TMEM132B: variants seen among roughly 807,000 people sequenced by gnomAD.
TMEM132B encodes transmembrane protein 132B.
In TMEM132B, 18 loss-of-function variants were observed where a neutral mutation model predicts 90.8. The observed-to-expected ratio is 0.20, with a 90% CI of 0.14 to 0.29. TMEM132B has a LOEUF of 0.29. Among genes scored for constraint, TMEM132B ranks in the 10% least tolerant of loss-of-function variants. The probability of loss-of-function intolerance (pLI) is 1.00; values close to 1 mark genes in which losing one functional copy is unlikely to be tolerated. For synonymous variants in TMEM132B, 504 were observed against 523.3 expected (o/e 0.96, Z 0.50); for missense variants, 1,096 against 1,326.8 (o/e 0.83, Z 2.70).
chr12:125,417,246 C>T (rs1008727079), intron 3 of TMEM132B, among the ~76,000 whole-genome samples: 21 of 152,174 alleles, frequency 1.4e-4, no homozygotes. Context: ...TCATGTGTCC[C>T]TTTTTACCAG....
At chr12:125,343,995 A>G (rs1372944831) in intron 1 of TMEM132B, among the ~76,000 whole-genome samples, 1 of 152,258 alleles carries the variant, frequency 6.6e-6, no homozygotes, top group Admixed American at 6.5e-5. Flanking sequence ...GGCAGTCTTA[A>G]TTGATGGACA....
chr12:125,244,646 C>G (rs1874167999), intron 1 of TMEM132B, among the ~76,000 whole-genome samples: 1 of 152,254 alleles, frequency 6.6e-6, no homozygotes, highest in Non-Finnish European at 1.5e-5. Context: ...TCCGACTGTG[C>G]TGGCTTATGG....
At chr12:125,500,793 A>C (rs1882676261) in intron 3 of TMEM132B, among the ~76,000 whole-genome samples, 1 of 152,100 alleles carries the variant, frequency 6.6e-6, no homozygotes, top group Non-Finnish European at 1.5e-5. Flanking sequence ...GCAAATGAGG[A>C]GAGTAGATTT....
intron 4 of TMEM132B, among the ~76,000 whole-genome samples, chr12:125,536,979 C>T (rs1203160024): frequency 6.6e-6 from 1 of 151,826 alleles, no homozygotes; most frequent in Non-Finnish European, 1.5e-5. Flanking sequence ...TTTTTTTACT[C>T]TTTTTGGGAT....
At chr12:125,447,043 A>C (rs560462076) in intron 3 of TMEM132B, among the ~76,000 whole-genome samples, 1 of 152,062 alleles carries the variant, frequency 6.6e-6, no homozygotes, top group Admixed American at 6.5e-5. Flanking sequence ...TTTTCTTTTG[A>C]TTACTATTTA....
At chr12:125,513,732 C>T (rs1246326093) in intron 3 of TMEM132B, among the ~76,000 whole-genome samples, 1 of 152,146 alleles carries the variant, frequency 6.6e-6, no homozygotes, top group Admixed American at 6.5e-5. Context: ...CTCCAGAACG[C>T]CCTTCCACTG....
intron 4 of TMEM132B, among the ~76,000 whole-genome samples, chr12:125,542,020 C>T (rs1194809119): frequency 1.3e-4 from 15 of 118,256 alleles, no homozygotes; most frequent in South Asian, 8.9e-4. Context: ...GCAAAACCCC[C>T]GTCTCAAAAA....
chr12:125,389,982 T>A (rs1178482147), intron 2 of TMEM132B, among the ~76,000 whole-genome samples: 2 of 152,220 alleles, frequency 1.3e-5, no homozygotes, highest in Non-Finnish European at 2.9e-5. Flanking sequence ...TGTGTAACTG[T>A]CACTCCGTTC....
intron 1 of TMEM132B, among the ~76,000 whole-genome samples, chr12:125,258,884 C>A (rs1255095488): frequency 6.6e-6 from 1 of 152,174 alleles, no homozygotes; most frequent in Admixed American, 6.5e-5. Context: ...AATCTGAATA[C>A]TGAATGCGGA....
chr12:125,227,549 C>A (rs1452364529), intron 1 of TMEM132B, among the ~76,000 whole-genome samples: 1 of 152,078 alleles, frequency 6.6e-6, no homozygotes, highest in Non-Finnish European at 1.5e-5. Context: ...CAGCAAAGGG[C>A]AGACTCCCTT....
intron 2 of TMEM132B, among the ~76,000 whole-genome samples, chr12:125,388,465 G>A (rs192627484): frequency 5.7e-4 from 87 of 152,170 alleles, no homozygotes; most frequent in African/African-American, 2.0e-3. Context: ...ACAAAAACCT[G>A]TTGTCCCGTA....
chr12:125,274,880 G>GCTA (rs1274658667), intron 1 of TMEM132B, among the ~76,000 whole-genome samples: 1 of 152,048 alleles, frequency 6.6e-6, no homozygotes, highest in Non-Finnish European at 1.5e-5. Flanking sequence ...CTATGATGAC[G>GCTA]CTACTGCATT....
intron 1 of TMEM132B, among the ~76,000 whole-genome samples, chr12:125,191,483 C>T (rs775433034): frequency 2.0e-5 from 3 of 152,128 alleles, no homozygotes; most frequent in Non-Finnish European, 4.4e-5. Context: ...CAGCACCTCA[C>T]GCAACCAAAT....
chr12:125,614,975 T>C (rs1277775856), intron 5 of TMEM132B, among the ~76,000 whole-genome samples: 1 of 152,202 alleles, frequency 6.6e-6, no homozygotes, highest in Non-Finnish European at 1.5e-5. Context: ...AGTTTACTTT[T>C]TGAGCCTTTT....
intron 1 of TMEM132B, among the ~76,000 whole-genome samples, chr12:125,331,702 C>T (rs546570468): frequency 2.0e-5 from 3 of 152,298 alleles, no homozygotes; most frequent in East Asian, 1.9e-4. Flanking sequence ...GTTTTTTGAC[C>T]TCTCTGTGCC....
chr12:125,291,154 A>G (rs1404458292), intron 1 of TMEM132B, among the ~76,000 whole-genome samples: 1 of 152,142 alleles, frequency 6.6e-6, no homozygotes, highest in Non-Finnish European at 1.5e-5. Context: ...AAGAGGTTAG[A>G]AGGCTAGCTA....
chr12:125,413,039 GACC>G (rs1445097675), intron 2 of TMEM132B, among the ~76,000 whole-genome samples: 34 of 152,140 alleles, frequency 2.2e-4, no homozygotes, highest in Admixed American at 1.8e-3. Context: ...TCTGTGTAAA[GACC>G]TACAGGAAGG....
intron 2 of TMEM132B, among the ~76,000 whole-genome samples, chr12:125,383,091 T>A (rs1878731514): frequency 6.6e-6 from 1 of 152,220 alleles, no homozygotes; most frequent in African/African-American, 2.4e-5. Context: ...TGGTACCAGC[T>A]GCTGTCATCT....
At position 125,658,390 on chromosome 12, in the gene TMEM132B, G is replaced by A. The variant is rs185041191; in HGVS notation, c.*3680G>A. On this transcript the variant is annotated 3_prime_UTR_variant, in exon 9 of 9. Transcript: ENST00000682704. Reference sequence around the variant, plus strand: ...GAACTATTATTAAGGCTCTGTGAGGGAACTGTTCAGTCTCACAGCAAGGAC... The same window carrying A: ...GAACTATTATTAAGGCTCTGTGAGGAAACTGTTCAGTCTCACAGCAAGGAC... The A allele has an allele frequency of 6.6e-6, 1 of 152,314 alleles. No homozygotes were observed. The highest frequency in any genetic ancestry group is 1.9e-4 in the East Asian group (1 of 5,184). 9.4% of individuals were successfully genotyped at this position (152,314 alleles called of 1,614,324 possible).
Sources: allele counts gnomAD v4.1 joint callset (sites outside exome capture counted in the v4.1 genomes callset), GRCh38; gene constraint gnomAD v4.1.1; transcripts MANE v1.5; gene names NCBI Gene and HGNC (gene_info 2026-07-23, HGNC 2026-07-21).